HEATR5B: variants seen among roughly 807,000 people sequenced by gnomAD.
HEATR5B encodes the protein HEAT repeat-containing protein 5B.
A neutral mutation model predicts 224.1 loss-of-function variants in HEATR5B; 156 were observed. The ratio of observed to expected loss-of-function variants is 0.70; its 90% CI spans 0.61 to 0.80. The LOEUF (loss-of-function observed/expected upper bound fraction) is 0.80, where lower values mean the gene tolerates loss of function less well. Among genes scored for constraint, HEATR5B ranks in the 30% least tolerant of loss-of-function variants. The pLI, the probability that HEATR5B is intolerant of heterozygous loss-of-function variation, is 0.00. For missense variants in HEATR5B, 2,323 were observed against 2,535.5 expected (o/e 0.92, Z 1.80); for synonymous variants, 1,027 against 893.0 (o/e 1.15, Z -2.68).
At chr2:37,013,368 G>A (rs548779828) in intron 27 of HEATR5B, among the ~76,000 whole-genome samples, 3 of 152,314 alleles carry the variant, frequency 2.0e-5, no homozygotes, top group Non-Finnish European at 2.9e-5. Context: ...CTGTGAGAAT[G>A]AAAAAGGTAA....
intron 8 of HEATR5B, among the ~76,000 whole-genome samples, chr2:37,067,991 T>G (rs1671688988): frequency 6.6e-6 from 1 of 152,118 alleles, no homozygotes; most frequent in Non-Finnish European, 1.5e-5. Context: ...TATAGTGAAA[T>G]AGTGAATAAT....
At chr2:37,053,749 T>C in intron 16 of HEATR5B, 142 bp from the exon 17 acceptor site, 1 of 544,720 alleles carries the variant, frequency 1.8e-6, no homozygotes, top group Admixed American at 3.3e-5. Context: ...CCACAGCTAG[T>C]CCAAACCAGA....
At chr2:37,032,853 T>TATAC (rs1011166112) in intron 21 of HEATR5B, 80 bp from the exon 22 acceptor site, 3 of 1,101,722 alleles carry the variant, frequency 2.7e-6, no homozygotes, top group African/African-American at 3.2e-5. Flanking sequence ...TGAATATATA[T>TATAC]ATACATACAT....
chr2:36,990,620 A>G (rs1407971097), intron 34 of HEATR5B, 28 bp downstream of exon 34: 1 of 1,508,988 alleles, frequency 6.6e-7, no homozygotes. Flanking sequence ...AAATGTTTTT[A>G]TCTATGTCTG....
chr2:37,006,535 G>T (rs931604593), intron 29 of HEATR5B, among the ~76,000 whole-genome samples: 1 of 152,184 alleles, frequency 6.6e-6, no homozygotes, highest in Non-Finnish European at 1.5e-5. Flanking sequence ...CAGCTACTTG[G>T]GAGGCTGAGG....
At position 37,061,945 on chromosome 2, in the gene HEATR5B, T is replaced by A; in HGVS notation, c.1690A>T (p.Thr564Ser). The A allele has an allele frequency of 6.2e-7, 1 of 1,603,626 alleles. No individual in the cohort carries two copies. The highest frequency in any genetic ancestry group is 8.5e-7 in the Non-Finnish European group (1 of 1,170,606). ...TACTCAAATATAATTATACCTAAAG[T>A]CATAAGTGCTCCAAGTAAAAGCCAG... ...AGWLLLGALMTLGPSVVRYHL... is the reference protein window; with the variant it reads ...AGWLLLGALMSLGPSVVRYHL... The change falls in exon 11 of 36, where the codon ACT becomes TCT. Residue 564 changes from threonine (T) to serine (S), a missense_variant. Coordinates refer to ENST00000233099, the MANE Select transcript of HEATR5B (RefSeq NM_019024.3).
At position 37,001,911 on chromosome 2, in the gene HEATR5B, C is replaced by T. The variant is rs570046616; in HGVS notation, c.5317+395G>A. Among the ~76,000 whole-genome samples the T allele has an allele frequency of 9.2e-5, 14 of 152,326 alleles. No individual in the cohort carries two copies. In the South Asian group the frequency reaches 2.9e-3, roughly 32 times the overall value. On this transcript the variant is annotated intron_variant, in intron 32 of 35. Coordinates refer to ENST00000233099, the MANE Select transcript of HEATR5B (RefSeq NM_019024.3). ...GGAACTCCTGAGCTCAGGTGATCCA[C>T]CTGCCTCAGCCTCCCAAAGTGCTGG...
At chr2:37,047,205 A>G (rs1670261480) in intron 18 of HEATR5B, among the ~76,000 whole-genome samples, 1 of 151,970 alleles carries the variant, frequency 6.6e-6, no homozygotes, top group African/African-American at 2.4e-5. Context: ...AAATAAATGT[A>G]GCAATGAATG....
At chr2:37,068,078 G>A (rs974537434) in intron 8 of HEATR5B, among the ~76,000 whole-genome samples, 4 of 151,940 alleles carry the variant, frequency 2.6e-5, no homozygotes, top group African/African-American at 9.7e-5. Flanking sequence ...TTTATAACTG[G>A]ATTAAAAGCT....
chr2:36,995,087 G>GTTT (rs775120824), intron 33 of HEATR5B, among the ~76,000 whole-genome samples: 7,104 of 104,050 alleles, frequency 0.068, 1,376 homozygotes, highest in African/African-American at 0.28. Flanking sequence ...GTTATTCCTT[G>GTTT]TTTTTTTTTT....
At chr2:37,053,743 A>G in intron 16 of HEATR5B, 136 bp from the exon 17 acceptor site, 2 of 553,876 alleles carry the variant, frequency 3.6e-6, no homozygotes, top group East Asian at 5.8e-5. Flanking sequence ...TCATTCCCAC[A>G]GCTAGTCCAA....
intron 35 of HEATR5B, among the ~76,000 whole-genome samples, chr2:36,982,863 T>C (rs866244914): frequency 2.5e-4 from 31 of 126,038 alleles, no homozygotes; most frequent in South Asian, 5.8e-4. Flanking sequence ...CAGACACAGA[T>C]ACACACACAC....
chr2:37,056,519 G>A lies in HEATR5B; in HGVS notation c.2320C>T (p.Leu774Phe). ...TCAATGACTGAGACTCCGAGAGGGA[G>A]GGGACCAGGTACTGCTTCTCCAGCA... ...IPAGEAVPGP[L>F]PLGVSVIDAS... Residue 774 changes from leucine to phenylalanine, a missense_variant, in exon 16 of 36, where the codon CTC becomes TTC. Coordinates refer to ENST00000233099, the MANE Select transcript of HEATR5B (RefSeq NM_019024.3). 2 of 1,613,374 alleles carry A rather than the reference G, an allele frequency of 1.2e-6. No individual in the cohort carries two copies. Among genetic ancestry groups the A allele is most frequent in the Non-Finnish European group, 1.7e-6 (2 of 1,179,562 alleles).
chr2:37,067,803 G>A (rs1412863860), intron 8 of HEATR5B, among the ~76,000 whole-genome samples: 5 of 151,294 alleles, frequency 3.3e-5, no homozygotes, highest in South Asian at 4.2e-4. Context: ...AAAATAAAAC[G>A]AGTTTACTAA....
In HEATR5B at chr2:37,000,791, T is replaced by C. The variant is rs762975843; in HGVS notation, c.5340A>G (p.Thr1780=). 3 of 1,613,648 alleles carry C rather than the reference T, an allele frequency of 1.9e-6. No homozygotes were observed. In the East Asian group the frequency reaches 6.7e-5, roughly 36 times the overall value. ...SPAGCMTILP[T]ILFLIARILK... is the part of the protein sequence containing the mutation. ...ATATTCTTGCAATTAAGAACAGAAT[T>C]GTGGGCAGGATTGTCATACATCCTG... Residue 1780 remains threonine (T), a synonymous_variant, in exon 33 of 36, where the codon ACA becomes ACG. Coordinates refer to ENST00000233099, the MANE Select transcript of HEATR5B (RefSeq NM_019024.3).
intron 26 of HEATR5B, among the ~76,000 whole-genome samples, chr2:37,014,312 C>A (rs998043065): frequency 2.0e-4 from 31 of 151,964 alleles, no homozygotes; most frequent in African/African-American, 7.0e-4. Flanking sequence ...CAGGCGCGTG[C>A]CACCACACTT....
At position 37,058,446 on chromosome 2, in the gene HEATR5B, T is replaced by C. The variant is rs934642554; in HGVS notation, c.2059+5A>G. On this transcript the variant is annotated splice_donor_5th_base_variant and intron_variant, in intron 14 of 35. Coordinates refer to ENST00000233099, the MANE Select transcript of HEATR5B (RefSeq NM_019024.3). The stretch of plus-strand genomic sequence containing the variant: ...TTTATCAGATACCACAAATTTTTAA[T>C]TTACCTTCATAAGTTTTTGGAGGTA... 6.4e-7 allele frequency: 1 copy of C among 1,562,470 alleles called. No homozygotes were observed.
rs1437670333 is a variant in HEATR5B at position 37,002,288 on chromosome 2, T to C, written c.5317+18A>G. The stretch of plus-strand genomic sequence containing the variant: ...TACTGTAATATAATGCATTTCCAAA[T>C]ACTGATCAATACCGTACCAGCGGGT... On this transcript the variant is annotated intron_variant, in intron 32 of 35. Coordinates refer to ENST00000233099, the MANE Select transcript of HEATR5B (RefSeq NM_019024.3). 2 of 1,613,716 alleles carry C rather than the reference T, an allele frequency of 1.2e-6. No homozygotes were observed. Among genetic ancestry groups the C allele is most frequent in the Non-Finnish European group, 1.7e-6 (2 of 1,179,724 alleles).
intron 16 of HEATR5B, 46 bp from the exon 17 acceptor site, chr2:37,053,653 C>T: frequency 8.6e-7 from 1 of 1,159,438 alleles, no homozygotes; most frequent in East Asian, 2.4e-5. Flanking sequence ...AAATTTTATT[C>T]CAATATGGCT....
Sources: allele counts gnomAD v4.1 joint callset (sites outside exome capture counted in the v4.1 genomes callset), GRCh38; gene constraint gnomAD v4.1.1; transcripts MANE v1.5; gene names NCBI Gene and HGNC (gene_info 2026-07-23, HGNC 2026-07-21).